ARHGEF12: variants seen among roughly 807,000 people sequenced by gnomAD.
ARHGEF12 encodes the protein Rho guanine nucleotide exchange factor 12, also known as KMT2A/ARHGEF12 fusion protein.
Under a neutral mutation model 211.2 loss-of-function variants are expected in ARHGEF12, and 66 were observed. That is an observed-to-expected ratio of 0.31 (90% confidence interval 0.26 to 0.38). The LOEUF (loss-of-function observed/expected upper bound fraction) is 0.38. Among genes scored for constraint, ARHGEF12 ranks in the 10% least tolerant of loss-of-function variants. The pLI, the probability that ARHGEF12 is intolerant of heterozygous loss-of-function variation, is 1.00. For synonymous variants in ARHGEF12, 592 were observed against 638.4 expected, an observed-to-expected ratio of 0.93 and a Z score of 1.09; for missense variants, 1,429 against 1,869.5, an observed-to-expected ratio of 0.76 and a Z score of 4.34.
At chr11:120,380,280 CATTA>C (rs1453870840) in intron 1 of ARHGEF12, among the ~76,000 whole-genome samples, 1 of 152,156 alleles carries the variant, frequency 6.6e-6, no homozygotes, top group Non-Finnish European at 1.5e-5. Context: ...TGACATCTTA[CATTA>C]TTGTGGTATA....
At chr11:120,426,019 G>A (rs1403857449) in intron 7 of ARHGEF12, among the ~76,000 whole-genome samples, 1 of 152,068 alleles carries the variant, frequency 6.6e-6, no homozygotes, top group Non-Finnish European at 1.5e-5. Flanking sequence ...GCTATGTTAA[G>A]CAACTATGAA....
intron 1 of ARHGEF12, among the ~76,000 whole-genome samples, chr11:120,353,838 AAC>A (rs1943060887): frequency 6.6e-6 from 1 of 152,216 alleles, no homozygotes; most frequent in African/African-American, 2.4e-5. Context: ...TGTTATCTGC[AAC>A]ACAGTTACCT....
At chr11:120,407,654 T>C in intron 2 of ARHGEF12, 84 bp from the exon 3 acceptor site, 1 of 1,000,968 alleles carries the variant, frequency 1.0e-6, no homozygotes. Context: ...TGGTTTTTCT[T>C]GTAAGATCCA....
chr11:120,377,669 A>G (rs541536802), intron 1 of ARHGEF12, among the ~76,000 whole-genome samples: 24 of 151,872 alleles, frequency 1.6e-4, no homozygotes, highest in African/African-American at 4.6e-4. Flanking sequence ...TACTTTTCAG[A>G]TGCATCCAAA....
intron 1 of ARHGEF12, among the ~76,000 whole-genome samples, chr11:120,348,714 G>A (rs1942842932): frequency 6.6e-6 from 1 of 152,132 alleles, no homozygotes; most frequent in Non-Finnish European, 1.5e-5. Context: ...GGTGGCACAT[G>A]CCTGTAATTC....
Position 120,481,323 on chromosome 11 carries a change from C to A in ARHGEF12, c.4301C>A (p.Ala1434Asp). 6.2e-7 allele frequency: 1 copy of A among 1,614,178 alleles called. No homozygotes were observed. Among genetic ancestry groups the A allele is most frequent in the Non-Finnish European group, 8.5e-7 (1 of 1,180,030 alleles). The part of the protein sequence containing the change: ...VQESSTDEEV[A>D]SSLTLQPMTG... ...GAGAGTTCCACAGATGAGGAGGTTG[C>A]TTCCTCACTTACCCTGCAGCCCATG... is the stretch of plus-strand genomic sequence containing the variant. Residue 1434 changes from alanine to aspartate, a missense_variant, in exon 39 of 41, where the codon GCT becomes GAT. Ala to Asp is a moderately radical substitution (Grantham distance 126). This residue lies in a region of ARHGEF12 where 467 missense variants were observed against 468.4 expected (regional missense o/e 1.00). Transcript: ENST00000397843.
rs180829406 is a variant in ARHGEF12, at chr11:120,426,198, A to G, written c.406+1783A>G. The stretch of plus-strand genomic sequence containing the variant: ...ATAAATTGTTATGTGCTGCATAAAT[A>G]TGGTTTATGTTAATGAGTTTATGCC... On this transcript the variant is annotated intron_variant, in intron 7 of 40. Coordinates refer to ENST00000397843, the MANE Select transcript of ARHGEF12 (RefSeq NM_015313.3). Among the ~76,000 whole-genome samples the G allele has an allele frequency of 3.9e-5, 6 of 152,338 alleles. No homozygotes were observed. In the East Asian group the frequency reaches 1.2e-3, roughly 29 times the overall value.
Position 120,451,622 on chromosome 11 carries a change from G to A in ARHGEF12, c.1954G>A (p.Ala652Thr). The A allele has an allele frequency of 6.2e-7, 1 of 1,614,146 alleles. No homozygotes were observed. Among genetic ancestry groups the A allele is most frequent in the South Asian group, 1.1e-5 (1 of 91,082 alleles). Residue 652 changes from alanine to threonine, a missense_variant, in exon 22 of 41, where the codon GCA becomes ACA. Ala to Thr is a moderately conservative substitution (Grantham distance 58). Coordinates refer to ENST00000397843, the MANE Select transcript of ARHGEF12 (RefSeq NM_015313.3). ...TGCCAAGTTGCGCCAGAGTGGGTTA[G>A]CAAATGAAGGAACAGACGCTGGATA... The part of the protein sequence containing the change: ...DSAKLRQSGL[A>T]NEGTDAGYLP...
chr11:120,444,227 T>C (rs890431213), intron 15 of ARHGEF12, among the ~76,000 whole-genome samples: 2 of 152,148 alleles, frequency 1.3e-5, no homozygotes, highest in Non-Finnish European at 2.9e-5. Context: ...TAATTTACTT[T>C]CCTAAAAAAA....
intron 32 of ARHGEF12, 79 bp from the exon 33 acceptor site, chr11:120,475,261 T>C: frequency 1.5e-6 from 2 of 1,299,838 alleles, no homozygotes; most frequent in South Asian, 3.0e-5. Flanking sequence ...ATAGAATTCC[T>C]CTGTTGAATC....
At chr11:120,463,020 C>T (rs1221604552) in intron 27 of ARHGEF12, 1 of 152,238 alleles carries the variant, frequency 6.6e-6, no homozygotes, top group African/African-American at 2.4e-5. Context: ...AACCACTCTA[C>T]AGTGTACTGT....
intron 14 of ARHGEF12, 43 bp downstream of exon 14, chr11:120,441,860 G>T: frequency 6.4e-7 from 1 of 1,556,448 alleles, no homozygotes; most frequent in South Asian, 1.1e-5. Context: ...TTCTTCTGTT[G>T]ATTCATGTGC....
At chr11:120,484,357 C>A in intron 39 of ARHGEF12, 81 bp from the exon 40 acceptor site, 2 of 1,283,022 alleles carry the variant, frequency 1.6e-6, no homozygotes, top group Non-Finnish European at 2.2e-6. Context: ...GTAAAAAGGG[C>A]TTCTTTTCTG....
intron 22 of ARHGEF12, among the ~76,000 whole-genome samples, chr11:120,455,747 G>A (rs1413982898): frequency 6.6e-6 from 1 of 152,204 alleles, no homozygotes; most frequent in East Asian, 1.9e-4. Context: ...GAACATCACA[G>A]ATAAGAAAAT....
chr11:120,457,639 A>C, intron 23 of ARHGEF12, 82 bp from the exon 24 acceptor site: 1 of 1,034,810 alleles, frequency 9.7e-7, no homozygotes, highest in Non-Finnish European at 1.4e-6. Context: ...GCTGGAGTTT[A>C]ACCTAGCTTT....
chr11:120,437,389 A>T lies in ARHGEF12; in HGVS notation c.999+7A>T, dbSNP rs747906162. 1 of 1,606,394 alleles carries T rather than the reference A, an allele frequency of 6.2e-7. No homozygotes were observed. Among genetic ancestry groups the T allele is most frequent in the Admixed American group, 1.7e-5 (1 of 59,578 alleles). On this transcript the variant is annotated splice_region_variant and intron_variant, in intron 12 of 40. Coordinates refer to ENST00000397843, the MANE Select transcript of ARHGEF12 (RefSeq NM_015313.3). ...TGAAACAATTCAGGACACTGTGAGTATGAAATCCATGCAATGATAGTGCTG... is the reference window on the plus strand; with the variant it reads ...TGAAACAATTCAGGACACTGTGAGTTTGAAATCCATGCAATGATAGTGCTG...
At position 120,489,811 on chromosome 11, in the gene ARHGEF12, C is replaced by CTA. The variant is rs745532232; in HGVS notation, c.*4743_*4744dup. The CTA allele has an allele frequency of 1.0e-4, 19 of 187,528 alleles. No individual in the cohort carries two copies. The highest frequency in any genetic ancestry group is 1.5e-4 in the Non-Finnish European group (13 of 89,030). 11.6% of individuals were successfully genotyped at this position (187,528 alleles called of 1,614,324 possible). On this transcript the variant is annotated 3_prime_UTR_variant, in exon 41 of 41. Transcript: ENST00000397843. Reference sequence around the variant, plus strand: ...TTTGTTTACAAACATATATCTATATCTATATATATAGATACAGATACAGAT... The same window carrying CTA: ...TTTGTTTACAAACATATATCTATATCTATATATATATAGATACAGATACAGAT...
chr11:120,398,297 C>A (rs895851370), intron 1 of ARHGEF12, among the ~76,000 whole-genome samples: 1 of 152,142 alleles, frequency 6.6e-6, no homozygotes, highest in Non-Finnish European at 1.5e-5. Flanking sequence ...GCAGTGATTC[C>A]CAATTCTGAG....
intron 1 of ARHGEF12, among the ~76,000 whole-genome samples, chr11:120,363,255 A>G (rs1943329350): frequency 6.6e-6 from 1 of 152,214 alleles, no homozygotes; most frequent in Non-Finnish European, 1.5e-5. Flanking sequence ...TTAAATGACC[A>G]ACCACTGGTA....
Sources: gnomAD v4.1 joint callset for allele counts (sites outside exome capture counted in the v4.1 genomes callset) on GRCh38, gnomAD v4.1.1 for gene constraint, gnomAD v4.1.1 regional missense constraint, MANE v1.5 for transcripts, NCBI Gene and HGNC (gene_info 2026-07-23, HGNC 2026-07-21) for gene names.